SRGAP3: variants seen among roughly 807,000 people sequenced by gnomAD.
SRGAP3 encodes SLIT-ROBO Rho GTPase activating protein 3, also known as SLIT-ROBO Rho GTPase-activating protein 3.
A neutral mutation model predicts 121.1 loss-of-function variants in SRGAP3; 39 were observed. The ratio of observed to expected loss-of-function variants is 0.32; its 90% CI spans 0.25 to 0.42. SRGAP3 has a LOEUF of 0.42. SRGAP3 is among the 10% of genes least tolerant of loss of function. SRGAP3 has a pLI of 1.00. For synonymous variants in SRGAP3, 601 were observed against 570.0 expected (o/e 1.05, Z -0.77); for missense variants, 1,213 against 1,470.6 (o/e 0.82, Z 2.86).
intron 1 of SRGAP3, among the ~76,000 whole-genome samples, chr3:9,209,445 C>G (rs955936996): frequency 1.3e-5 from 2 of 152,186 alleles, no homozygotes; most frequent in African/African-American, 4.8e-5. Context: ...CATTCCCATT[C>G]AAATGACTAT....
chr3:9,183,508 C>A (rs1005388666), intron 1 of SRGAP3, among the ~76,000 whole-genome samples: 1 of 151,974 alleles, frequency 6.6e-6, no homozygotes, highest in East Asian at 1.9e-4. Flanking sequence ...TAATTATGTA[C>A]GTATAAAACA....
chr3:8,994,549 G>A (rs372038883), intron 18 of SRGAP3, 26 bp from the exon 19 acceptor site: 48 of 1,609,436 alleles, frequency 3.0e-5, no homozygotes, highest in Middle Eastern at 1.8e-4. Context: ...GGGAAAAAGC[G>A]TCTCTGAGGT....
At chr3:9,317,155 T>C (rs1042198231) in intron 3 of SRGAP3, among the ~76,000 whole-genome samples, 2 of 152,220 alleles carry the variant, frequency 1.3e-5, no homozygotes, top group African/African-American at 2.4e-5. Context: ...ACTCATTATA[T>C]GTGAATAGAG....
chr3:9,180,976 G>A (rs1417265194), intron 1 of SRGAP3, among the ~76,000 whole-genome samples: 1 of 152,224 alleles, frequency 6.6e-6, no homozygotes, highest in Non-Finnish European at 1.5e-5. Context: ...GACAACAGAT[G>A]TCTGGAGACA....
upstream of SRGAP3, among the ~76,000 whole-genome samples, chr3:9,251,279 T>A (rs118021452): frequency 1.5e-3 from 235 of 152,252 alleles, 4 homozygotes; most frequent in East Asian, 0.033. Context: ...TATAGCCTTG[T>A]ACCCGGAGGC....
intron 1 of SRGAP3, among the ~76,000 whole-genome samples, chr3:9,233,576 C>A (rs745362061): frequency 2.0e-5 from 3 of 152,058 alleles, no homozygotes; most frequent in Non-Finnish European, 4.4e-5. Flanking sequence ...TCTTTCTGAC[C>A]CCTTAAATAT....
At chr3:9,144,270 C>T (rs1230109844) in intron 1 of SRGAP3, among the ~76,000 whole-genome samples, 2 of 152,220 alleles carry the variant, frequency 1.3e-5, no homozygotes, top group African/African-American at 2.4e-5. Context: ...GTGTGGTCTC[C>T]ACCTCTCTCC....
chr3:9,073,251 C>T (rs1478476510), intron 4 of SRGAP3, among the ~76,000 whole-genome samples: 1 of 152,166 alleles, frequency 6.6e-6, no homozygotes, highest in Non-Finnish European at 1.5e-5. Context: ...TCAGGTAATC[C>T]TCCCACCTCA....
At position 9,050,781 on chromosome 3, in the gene SRGAP3, G is replaced by A. The variant is rs55745036; in HGVS notation, c.1323+2246C>T. ...ACCACAAATTCTCTTTGTGAACACC[G>A]TAGGCTCCATGGAAGTGGTGAATAC... is the stretch of plus-strand genomic sequence containing the variant. On this transcript the variant is annotated intron_variant, in intron 9 of 21. Transcript: ENST00000383836. Among the ~76,000 whole-genome samples, 1,377 of 152,278 alleles carry A rather than the reference G, an allele frequency of 9.0e-3. 24 individuals carry two copies. The highest frequency in any genetic ancestry group is 0.032 in the African/African-American group (1,313 of 41,556).
intron 1 of SRGAP3, among the ~76,000 whole-genome samples, chr3:9,127,740 C>T (rs564561725): frequency 2.0e-5 from 3 of 152,132 alleles, no homozygotes; most frequent in African/African-American, 7.2e-5. Context: ...AGCCACTGCA[C>T]CCGGCCTAGT....
intron 1 of SRGAP3, among the ~76,000 whole-genome samples, chr3:9,130,747 C>A (rs1949415044): frequency 6.6e-6 from 1 of 152,234 alleles, no homozygotes; most frequent in South Asian, 2.1e-4. Flanking sequence ...CTTTTTGTAG[C>A]AAGATGGTGA....
At chr3:9,134,897 G>A (rs1262851236) in intron 1 of SRGAP3, among the ~76,000 whole-genome samples, 1 of 152,112 alleles carries the variant, frequency 6.6e-6, no homozygotes, top group Non-Finnish European at 1.5e-5. Flanking sequence ...TCAAATCCTG[G>A]CCCTGCCACA....
At chr3:9,079,948 G>A in intron 4 of SRGAP3, 77 bp downstream of exon 4, 1 of 1,540,360 alleles carries the variant, frequency 6.5e-7, no homozygotes, top group South Asian at 1.1e-5. Context: ...CCAGACCTCT[G>A]TTTTGCTTCC....
intron 3 of SRGAP3, among the ~76,000 whole-genome samples, chr3:9,267,100 G>A (rs1954382103): frequency 6.6e-6 from 1 of 152,200 alleles, no homozygotes; most frequent in East Asian, 1.9e-4. Flanking sequence ...CTCCATTTAA[G>A]CAGAGAAAGA....
chr3:8,985,093 A>AAT lies in SRGAP3; in HGVS notation c.*424_*425dup, dbSNP rs139699619. 1.3e-3 allele frequency: 310 copies of AAT among 235,520 alleles called. No homozygotes were observed. The highest frequency in any genetic ancestry group is 2.5e-3 in the East Asian group (39 of 15,892). The allele number at this position is 235,520 out of a possible 1,614,324, so 14.6% of individuals were successfully genotyped here. On this transcript the variant is annotated 3_prime_UTR_variant, in exon 22 of 22. Transcript: ENST00000383836. The surrounding 1 kb of genome is among the most constrained non-coding windows in gnomAD (Gnocchi z 5.1). ...TCTAGTATATGTATATAGATGCATA[A>AAT]ATATATATATATATACACACACCTA...
chr3:9,307,398 A>G (rs1955177115), intron 3 of SRGAP3, among the ~76,000 whole-genome samples: 3 of 152,338 alleles, frequency 2.0e-5, no homozygotes, highest in Admixed American at 6.5e-5. Flanking sequence ...GCATGAAATC[A>G]CCTTAAGGAA....
chr3:9,339,067 C>A (rs1187795184), intron 1 of SRGAP3, among the ~76,000 whole-genome samples: 1 of 152,220 alleles, frequency 6.6e-6, no homozygotes, highest in Admixed American at 6.5e-5. Context: ...GACCCATGGT[C>A]TTTTCCCTTC....
intron 3 of SRGAP3, among the ~76,000 whole-genome samples, chr3:9,291,602 C>CCACA (rs71049786): frequency 5.8e-4 from 85 of 147,028 alleles, no homozygotes; most frequent in African/African-American, 1.6e-3. Flanking sequence ...TGCATCAACA[C>CCACA]CACACACACA....
chr3:9,355,927 C>T (rs898006982), intron 1 of SRGAP3: 18 of 152,180 alleles, frequency 1.2e-4, no homozygotes, highest in Non-Finnish European at 2.4e-4. Context: ...GGGAGCAAAA[C>T]TCATCCTTTT....
Sources: gnomAD v4.1 joint callset for allele counts (sites outside exome capture counted in the v4.1 genomes callset) on GRCh38, gnomAD v4.1.1 for gene constraint, Gnocchi (gnomAD v3.1) non-coding constraint, MANE v1.5 for transcripts, NCBI Gene and HGNC (gene_info 2026-07-23, HGNC 2026-07-21) for gene names.